PIEZO2: variants seen among roughly 807,000 people sequenced by gnomAD.
PIEZO2 encodes piezo-type mechanosensitive ion channel component 2.
In PIEZO2, 172 loss-of-function variants were observed where a neutral mutation model predicts 337.3. That is an observed-to-expected ratio of 0.51 (90% CI 0.45 to 0.58). The LOEUF (loss-of-function observed/expected upper bound fraction) is 0.58. Ranked by LOEUF, PIEZO2 falls within the 20% of genes least tolerant of loss-of-function variation. The pLI is 0.00. For synonymous variants in PIEZO2, 1,251 were observed against 1,228.5 expected (o/e 1.02, Z -0.38); for missense variants, 3,028 against 3,391.3 (o/e 0.89, Z 2.66).
At chr18:10,725,121 C>T (rs1294971659) in intron 36 of PIEZO2, 3 of 1,466,450 alleles carry the variant, frequency 2.0e-6, no homozygotes. Flanking sequence ...AGTTCGAGTA[C>T]CAGGAGCCCA....
intron 1 of PIEZO2, among the ~76,000 whole-genome samples, chr18:11,071,699 A>C (rs1300146657): frequency 6.6e-6 from 1 of 152,156 alleles, no homozygotes; most frequent in Non-Finnish European, 1.5e-5. Context: ...GATTCCTGTC[A>C]ATTCCCATAG....
intron 2 of PIEZO2, among the ~76,000 whole-genome samples, chr18:11,054,246 T>C (rs1470344963): frequency 1.3e-5 from 2 of 152,186 alleles, no homozygotes; most frequent in Admixed American, 1.3e-4. Flanking sequence ...GCATAAAACA[T>C]TTTTAAGAGT....
At chr18:10,694,365 G>T (rs1306848836) in intron 47 of PIEZO2, among the ~76,000 whole-genome samples, 1 of 151,656 alleles carries the variant, frequency 6.6e-6, no homozygotes, top group Admixed American at 6.6e-5. Context: ...AGCCACATAC[G>T]TAAAATCCAT....
intron 3 of PIEZO2, among the ~76,000 whole-genome samples, chr18:10,930,165 TG>T (rs1279833586): frequency 1.3e-5 from 2 of 152,194 alleles, no homozygotes; most frequent in Admixed American, 6.5e-5. Context: ...AGCTGTCTCT[TG>T]TGGGGGAAAT....
intron 5 of PIEZO2, among the ~76,000 whole-genome samples, chr18:10,864,842 AGG>A (rs1242083038): frequency 6.6e-6 from 1 of 152,206 alleles, no homozygotes; most frequent in South Asian, 2.1e-4. Flanking sequence ...GAATCCCGGA[AGG>A]ACAAGAATGA....
At position 11,031,098 on chromosome 18, in the gene PIEZO2, T is replaced by A. The variant is rs1180087520; in HGVS notation, c.160+35029A>T. On this transcript the variant is annotated intron_variant, in intron 2 of 55. Transcript: ENST00000674853. The surrounding 1 kb of genome is among the most constrained non-coding windows in gnomAD (Gnocchi z 4.7). Reference sequence around the variant, plus strand: ...GCCGCCTCCCGGGTTCACACCATTCTCCTGCCTCAGCCTCTCGAGTTTCTG... The same window carrying A: ...GCCGCCTCCCGGGTTCACACCATTCACCTGCCTCAGCCTCTCGAGTTTCTG... Among the ~76,000 whole-genome samples, 1 of 151,864 alleles carries A rather than the reference T, an allele frequency of 6.6e-6. No individual in the cohort carries two copies. The highest frequency in any genetic ancestry group is 2.4e-5 in the African/African-American group (1 of 41,322).
intron 2 of PIEZO2, among the ~76,000 whole-genome samples, chr18:11,015,927 G>C (rs572637608): frequency 6.6e-6 from 1 of 152,128 alleles, no homozygotes; most frequent in Non-Finnish European, 1.5e-5. Flanking sequence ...CTTTCTAAAC[G>C]TTTTTGTAAG....
At chr18:10,754,680 C>T (rs2037768866) in intron 27 of PIEZO2, among the ~76,000 whole-genome samples, 1 of 152,126 alleles carries the variant, frequency 6.6e-6, no homozygotes, top group African/African-American at 2.4e-5. Flanking sequence ...GGAAGTCTTA[C>T]CTTAGATCAG....
intron 7 of PIEZO2, among the ~76,000 whole-genome samples, chr18:10,812,986 T>C (rs1388615214): frequency 1.3e-5 from 2 of 149,656 alleles, no homozygotes; most frequent in Non-Finnish European, 3.0e-5. Context: ...ATTTTAAACT[T>C]TTTTTTTTTT....
Position 11,097,488 on chromosome 18 carries a change from C to G in PIEZO2, c.65-31266G>C, listed in dbSNP as rs1426827527. The stretch of plus-strand genomic sequence containing the variant: ...AGTCCAGAGTTTACTACAGAGAAAG[C>G]CCTGAACTGGGGAGCCCTCTGACCA... On this transcript the variant is annotated intron_variant, in intron 1 of 55. Coordinates refer to ENST00000674853, the MANE Select transcript of PIEZO2 (RefSeq NM_001378183.1). This position sits in a 1 kb window ranked among gnomAD's most constrained non-coding sequence, Gnocchi z 5.0. Among the ~76,000 whole-genome samples, 2 of 152,194 alleles carry G rather than the reference C, an allele frequency of 1.3e-5. No homozygotes were observed. Among genetic ancestry groups the G allele is most frequent in the Non-Finnish European group, 2.9e-5 (2 of 68,042 alleles).
Position 10,702,176 on chromosome 18 carries a change from G to T in PIEZO2, c.6259-5C>A. On this transcript the variant is annotated splice_polypyrimidine_tract_variant and splice_region_variant and intron_variant, in intron 42 of 55. Transcript: ENST00000674853. The stretch of plus-strand genomic sequence containing the variant: ...ATACTTGACTACAATTGCCACCTAC[G>T]CACAGATGACAGAAATTTTAAAACA... 6.5e-7 allele frequency: 1 copy of T among 1,532,144 alleles called. No homozygotes were observed. The highest frequency in any genetic ancestry group is 8.7e-7 in the Non-Finnish European group (1 of 1,145,544). The allele number at this position is 1,532,144 out of a possible 1,614,324, so 94.9% of individuals were successfully genotyped here.
At position 10,800,243 on chromosome 18, in the gene PIEZO2, T is replaced by A. The variant is rs969734569; in HGVS notation, c.1378+94A>T. The A allele has an allele frequency of 6.2e-6, 9 of 1,449,148 alleles. No individual in the cohort carries two copies. The South Asian group carries it at 8.4e-5, about 13-fold the overall frequency. The allele number at this position is 1,449,148 out of a possible 1,614,324, so 89.8% of individuals were successfully genotyped here. On this transcript the variant is annotated intron_variant, in intron 11 of 55. Transcript: ENST00000674853. Reference sequence around the variant, plus strand: ...ATGACACTGACATGGATACAGTTTTTAAAAAAATAAAATAAGCAACAACAA... The same window carrying A: ...ATGACACTGACATGGATACAGTTTTAAAAAAAATAAAATAAGCAACAACAA...
At chr18:11,020,694 GC>G (rs2036279596) in intron 2 of PIEZO2, among the ~76,000 whole-genome samples, 1 of 152,140 alleles carries the variant, frequency 6.6e-6, no homozygotes, top group Non-Finnish European at 1.5e-5. Context: ...GAAGGGACAG[GC>G]AAAATGACAC....
Position 10,835,780 on chromosome 18 carries a change from A to G in PIEZO2, c.917+19573T>C, listed in dbSNP as rs534413079. Among the ~76,000 whole-genome samples the G allele has an allele frequency of 2.0e-5, 3 of 152,302 alleles. No homozygotes were observed. In the South Asian group the frequency reaches 6.2e-4, roughly 32 times the overall value. ...GCTGGTCTCGAACTCCTGACCTCAG[A>G]TGATCCGCCCACCTTGGCCTACGGG... is the stretch of plus-strand genomic sequence containing the variant. On this transcript the variant is annotated intron_variant, in intron 7 of 55. Transcript: ENST00000674853.
chr18:10,762,431 C>G (rs2038173383), intron 23 of PIEZO2, 69 bp downstream of exon 23: 1 of 1,494,652 alleles, frequency 6.7e-7, no homozygotes, highest in South Asian at 1.3e-5. Context: ...TTAAGCGTCT[C>G]ATGGAAAAGA....
chr18:10,902,723 A>C (rs2043081181), intron 4 of PIEZO2, among the ~76,000 whole-genome samples: 1 of 152,182 alleles, frequency 6.6e-6, no homozygotes, highest in Non-Finnish European at 1.5e-5. Context: ...CACTTAAGAG[A>C]GTTTACCACT....
rs989112543 is a variant in PIEZO2 at position 11,009,500 on chromosome 18, G to A, written c.161-29840C>T. Among the ~76,000 whole-genome samples, 5 of 152,180 alleles carry A rather than the reference G, an allele frequency of 3.3e-5. No homozygotes were observed. Among genetic ancestry groups the A allele is most frequent in the African/African-American group, 4.8e-5 (2 of 41,448 alleles). ...GCTCAGCTCATGGACTGGTTGAGGC[G>A]CGTGTGAGAGCAGCGTATGAGAGTA... is the stretch of plus-strand genomic sequence containing the variant. On this transcript the variant is annotated intron_variant, in intron 2 of 55. Coordinates refer to ENST00000674853, the MANE Select transcript of PIEZO2 (RefSeq NM_001378183.1). The surrounding 1 kb of genome is among the most constrained non-coding windows in gnomAD (Gnocchi z 4.6).
intron 2 of PIEZO2, among the ~76,000 whole-genome samples, chr18:11,026,918 A>C (rs149662668): frequency 2.0e-5 from 3 of 152,362 alleles, no homozygotes; most frequent in African/African-American, 7.2e-5. Context: ...ACCACACAGG[A>C]AAAAGAGAAA....
intron 1 of PIEZO2, among the ~76,000 whole-genome samples, chr18:11,119,699 G>A (rs1342290369): frequency 6.6e-6 from 1 of 152,190 alleles, no homozygotes; most frequent in Non-Finnish European, 1.5e-5. Flanking sequence ...GAAGCTGAGT[G>A]TAGCCCTTTG....
Sources: allele counts gnomAD v4.1 joint callset (sites outside exome capture counted in the v4.1 genomes callset), GRCh38; gene constraint gnomAD v4.1.1; non-coding constraint Gnocchi (gnomAD v3.1); transcripts MANE v1.5; gene names NCBI Gene and HGNC (gene_info 2026-07-23, HGNC 2026-07-21).